Variants in CDKAL1 observed in about 807,000 individuals in gnomAD.
CDKAL1 encodes the protein CDKAL1 threonylcarbamoyladenosine tRNA methylthiotransferase, also known as threonylcarbamoyladenosine tRNA methylthiotransferase.
A neutral mutation model predicts 68.2 loss-of-function variants in CDKAL1; 32 were observed. The ratio of observed to expected loss-of-function variants is 0.47; its 90% confidence interval spans 0.35 to 0.63. The LOEUF (loss-of-function observed/expected upper bound fraction) is 0.63, where lower values mean the gene tolerates loss of function less well. Among genes scored for constraint, CDKAL1 ranks in the 30% least tolerant of loss-of-function variants. CDKAL1 has a pLI of 0.00. For missense variants in CDKAL1, 606 were observed against 696.7 expected, an observed-to-expected ratio of 0.87 and a Z score of 1.47; for synonymous variants, 234 against 244.3, an observed-to-expected ratio of 0.96 and a Z score of 0.39.
intron 12 of CDKAL1, among the ~76,000 whole-genome samples, chr6:21,106,931 A>G (rs1773875477): frequency 7.0e-6 from 1 of 143,432 alleles, no homozygotes; most frequent in Non-Finnish European, 1.5e-5. Flanking sequence ...GTGGATGAGG[A>G]GAAAGCCACT....
chr6:20,601,831 A>G (rs1435577923), intron 4 of CDKAL1, among the ~76,000 whole-genome samples: 1 of 152,192 alleles, frequency 6.6e-6, no homozygotes, highest in East Asian at 1.9e-4. Context: ...TAGAATCCAG[A>G]TCATATTTAT....
intron 4 of CDKAL1, among the ~76,000 whole-genome samples, chr6:20,604,500 C>T (rs992710188): frequency 3.9e-5 from 6 of 152,328 alleles, no homozygotes; most frequent in Admixed American, 1.3e-4. Flanking sequence ...ACCTATAATG[C>T]TTCTGCCAGC....
rs555343552 is a variant in CDKAL1, at chr6:20,954,660, G to A, written c.743-759G>A. 2.6e-5 allele frequency among the ~76,000 whole-genome samples: 4 copies of A among 152,212 alleles called. No individual in the cohort carries two copies. In the East Asian group the frequency reaches 7.7e-4, roughly 29 times the overall value. ...TTTATTCATTTTAAATAACATGAGG[G>A]GGATCCCAAAGTATTTCCTCTGGAC... On this transcript the variant is annotated intron_variant, in intron 9 of 15. Transcript: ENST00000274695.
chr6:20,831,605 T>C (rs563466117), intron 8 of CDKAL1, among the ~76,000 whole-genome samples: 1 of 152,086 alleles, frequency 6.6e-6, no homozygotes, highest in Non-Finnish European at 1.5e-5. Context: ...CTTTTTTTGG[T>C]GCAAGTTTGG....
At chr6:20,565,702 T>C (rs1032595728) in intron 4 of CDKAL1, among the ~76,000 whole-genome samples, 2 of 152,144 alleles carry the variant, frequency 1.3e-5, no homozygotes, top group Admixed American at 6.5e-5. Context: ...CATATAGATA[T>C]TTTCTTCCAG....
chr6:20,614,186 A>AT (rs1438782229), intron 4 of CDKAL1, among the ~76,000 whole-genome samples: 1 of 152,040 alleles, frequency 6.6e-6, no homozygotes, highest in East Asian at 1.9e-4. Flanking sequence ...TGATTTCCAG[A>AT]TTTTTCCCCC....
At chr6:20,688,856 A>G (rs963840065) in intron 5 of CDKAL1, among the ~76,000 whole-genome samples, 2 of 152,220 alleles carry the variant, frequency 1.3e-5, no homozygotes, top group African/African-American at 2.4e-5. Flanking sequence ...AGAAACTGGT[A>G]TAAATAGGTC....
At chr6:20,549,319 A>G (rs1227855017) in intron 4 of CDKAL1, among the ~76,000 whole-genome samples, 2 of 152,164 alleles carry the variant, frequency 1.3e-5, no homozygotes, top group Non-Finnish European at 2.9e-5. Context: ...AGCAGAGAAC[A>G]GAAGCGATAC....
chr6:21,120,319 A>G (rs942896965), intron 13 of CDKAL1, among the ~76,000 whole-genome samples: 1 of 152,212 alleles, frequency 6.6e-6, no homozygotes, highest in Non-Finnish European at 1.5e-5. Context: ...CAAGGCACTT[A>G]CCCATCATCC....
chr6:21,191,627 A>G (rs1778241612), intron 13 of CDKAL1, among the ~76,000 whole-genome samples: 1 of 151,728 alleles, frequency 6.6e-6, no homozygotes, highest in Admixed American at 6.6e-5. Context: ...GCCACTGAGC[A>G]AATCACCCAT....
At chr6:20,727,629 G>A (rs547328815) in intron 5 of CDKAL1, among the ~76,000 whole-genome samples, 1 of 152,154 alleles carries the variant, frequency 6.6e-6, no homozygotes, top group Non-Finnish European at 1.5e-5. Flanking sequence ...TCCTGATACT[G>A]GAGAGGGAGA....
chr6:20,882,392 C>G, intron 9 of CDKAL1, among the ~76,000 whole-genome samples: 1 of 152,278 alleles, frequency 6.6e-6, no homozygotes, highest in East Asian at 1.9e-4. Context: ...TAACTGTTTC[C>G]TTCCATCTGC....
At chr6:20,901,032 A>G (rs1239252436) in intron 9 of CDKAL1, among the ~76,000 whole-genome samples, 1 of 152,148 alleles carries the variant, frequency 6.6e-6, no homozygotes, top group Non-Finnish European at 1.5e-5. Context: ...CTCATGTATT[A>G]TTATATGAAC....
chr6:20,810,867 C>T (rs1328386435), intron 8 of CDKAL1, among the ~76,000 whole-genome samples: 1 of 151,982 alleles, frequency 6.6e-6, no homozygotes, highest in African/African-American at 2.4e-5. Flanking sequence ...ACCCACCCTA[C>T]CCCCAGTATT....
intron 4 of CDKAL1, among the ~76,000 whole-genome samples, chr6:20,635,479 T>A (rs1205932263): frequency 8.2e-6 from 1 of 121,224 alleles, no homozygotes; most frequent in Non-Finnish European, 1.7e-5. Context: ...GAAGTGTTTT[T>A]GATTTTGGAT....
chr6:20,813,725 C>T (rs896586129), intron 8 of CDKAL1, among the ~76,000 whole-genome samples: 1 of 152,162 alleles, frequency 6.6e-6, no homozygotes, highest in Non-Finnish European at 1.5e-5. Context: ...TGTCTTGGAA[C>T]ACTGTCGATA....
At chr6:20,978,822 G>A (rs1261093216) in intron 10 of CDKAL1, among the ~76,000 whole-genome samples, 2 of 152,160 alleles carry the variant, frequency 1.3e-5, no homozygotes. Context: ...TAGTGAATGT[G>A]GGATTGCTTT....
chr6:20,673,445 G>A (rs1410561796), intron 5 of CDKAL1, among the ~76,000 whole-genome samples: 1 of 152,094 alleles, frequency 6.6e-6, no homozygotes, highest in African/African-American at 2.4e-5. Context: ...TATTGCTTAG[G>A]GAATAATGAA....
chr6:21,163,704 ACTT>A (rs951604593), intron 13 of CDKAL1, among the ~76,000 whole-genome samples: 134 of 152,270 alleles, frequency 8.8e-4, no homozygotes, highest in African/African-American at 3.2e-3. Context: ...TAATCCCAGC[ACTT>A]CAGGAGGCCG....
Sources: allele counts gnomAD v4.1 joint callset (sites outside exome capture counted in the v4.1 genomes callset), GRCh38; gene constraint gnomAD v4.1.1; transcripts MANE v1.5; gene names NCBI Gene and HGNC (gene_info 2026-07-23, HGNC 2026-07-21).